NYAP2: variants seen among roughly 807,000 people sequenced by gnomAD.
The protein encoded by NYAP2 is neuronal tyrosine-phosphorylated phosphoinositide-3-kinase adaptor 2.
In NYAP2, 23 loss-of-function variants were observed where a neutral mutation model predicts 50.4. That is an observed-to-expected ratio of 0.46 (90% CI 0.33 to 0.65). The LOEUF is 0.65. Ranked by LOEUF, NYAP2 falls within the 30% of genes least tolerant of loss-of-function variation. The pLI is 0.02. For synonymous variants in NYAP2, 394 were observed against 365.2 expected (o/e 1.08, Z -0.90); for missense variants, 885 against 861.0 (o/e 1.03, Z -0.35).
At chr2:225,556,010 G>T (rs906177522) in intron 4 of NYAP2, among the ~76,000 whole-genome samples, 1 of 152,082 alleles carries the variant, frequency 6.6e-6, no homozygotes, top group Non-Finnish European at 1.5e-5. Context: ...TCATATAATT[G>T]ACTTATGTAT....
At chr2:225,634,887 C>T (rs748670192) in intron 6 of NYAP2, among the ~76,000 whole-genome samples, 1 of 152,076 alleles carries the variant, frequency 6.6e-6, no homozygotes, top group Non-Finnish European at 1.5e-5. Flanking sequence ...AAAATGGGGG[C>T]CATTTACAAT....
chr2:225,597,681 T>C (rs1692629606), intron 5 of NYAP2, among the ~76,000 whole-genome samples: 1 of 150,580 alleles, frequency 6.6e-6, no homozygotes, highest in South Asian at 2.1e-4. Context: ...TACCCAGTAG[T>C]GGGAATGCTG....
At chr2:225,683,659 C>T in the NYAP2 span, among the ~76,000 whole-genome samples, 1,302 of 152,196 alleles carry the variant, frequency 8.6e-3, 46 homozygotes, top group East Asian at 0.14. Flanking sequence ...GGCCATGCCA[C>T]CTCATTTTTA....
At chr2:225,668,780 C>G in the NYAP2 span, among the ~76,000 whole-genome samples, 1 of 152,152 alleles carries the variant, frequency 6.6e-6, no homozygotes, top group East Asian at 1.9e-4. Flanking sequence ...CAAACACATA[C>G]TGAAGATTTC....
intron 3 of NYAP2, among the ~76,000 whole-genome samples, chr2:225,468,021 G>C (rs1431161675): frequency 3.9e-5 from 6 of 152,186 alleles, no homozygotes; most frequent in Non-Finnish European, 8.8e-5. Context: ...TCTTGATAGA[G>C]TTTGGGCATA....
intron 3 of NYAP2, among the ~76,000 whole-genome samples, chr2:225,424,934 A>T (rs999512723): frequency 7.2e-5 from 11 of 152,186 alleles, no homozygotes; most frequent in Non-Finnish European, 1.0e-4. Context: ...TCTATGAAGT[A>T]TATAAAAAAA....
chr2:225,476,291 T>C (rs1430470941), intron 3 of NYAP2, among the ~76,000 whole-genome samples: 1 of 151,858 alleles, frequency 6.6e-6, no homozygotes, highest in Non-Finnish European at 1.5e-5. Context: ...TGGGCGCCTG[T>C]AGTCCCAGCT....
intron 3 of NYAP2, among the ~76,000 whole-genome samples, chr2:225,491,801 C>T (rs77097801): frequency 1.2e-4 from 19 of 152,158 alleles, no homozygotes; most frequent in African/African-American, 4.3e-4. Context: ...CAAAAGTCAT[C>T]AATTGCATGA....
intron 3 of NYAP2, among the ~76,000 whole-genome samples, chr2:225,458,361 C>T (rs1206366583): frequency 6.6e-6 from 1 of 151,988 alleles, no homozygotes; most frequent in African/African-American, 2.4e-5. Context: ...AAGGCATTCT[C>T]TTTAGTTTTA....
At chr2:225,410,304 T>C (rs1037263322) in intron 3 of NYAP2, among the ~76,000 whole-genome samples, 3 of 152,228 alleles carry the variant, frequency 2.0e-5, no homozygotes, top group Admixed American at 6.5e-5. Flanking sequence ...ATTTTCACAA[T>C]TGCATGTATT....
At chr2:225,454,611 C>T (rs1237371475) in intron 3 of NYAP2, among the ~76,000 whole-genome samples, 1 of 152,170 alleles carries the variant, frequency 6.6e-6, no homozygotes, top group African/African-American at 2.4e-5. Flanking sequence ...GAGAGTATTA[C>T]TACTTGAGCT....
chr2:225,513,303 C>A, intron 3 of NYAP2, 68 bp from the exon 4 acceptor site: 1 of 1,424,332 alleles, frequency 7.0e-7, no homozygotes, highest in Non-Finnish European at 9.7e-7. Flanking sequence ...GTAATATTCT[C>A]ACATGTATGA....
At chr2:225,593,554 T>A (rs907371533) in intron 5 of NYAP2, among the ~76,000 whole-genome samples, 12 of 152,354 alleles carry the variant, frequency 7.9e-5, no homozygotes, top group African/African-American at 2.9e-4. Flanking sequence ...TATGCTATTG[T>A]CTTTGACTAC....
chr2:225,424,926 T>G (rs1382260461), intron 3 of NYAP2, among the ~76,000 whole-genome samples: 4 of 152,176 alleles, frequency 2.6e-5, no homozygotes, highest in Non-Finnish European at 5.9e-5. Flanking sequence ...TGTGTAGTTC[T>G]ATGAAGTATA....
At chr2:225,504,454 A>G (rs1443140149) in intron 3 of NYAP2, among the ~76,000 whole-genome samples, 3 of 152,220 alleles carry the variant, frequency 2.0e-5, no homozygotes, top group African/African-American at 4.8e-5. Context: ...ACAAACATTC[A>G]GTCTATAGCA....
chr2:225,659,417 C>G, the NYAP2 span, among the ~76,000 whole-genome samples: 2 of 152,168 alleles, frequency 1.3e-5, no homozygotes, highest in South Asian at 2.1e-4. Flanking sequence ...TCGGAGCATG[C>G]CTGCATCATT....
At chr2:225,565,212 T>C (rs1691941293) in intron 4 of NYAP2, among the ~76,000 whole-genome samples, 1 of 152,204 alleles carries the variant, frequency 6.6e-6, no homozygotes, top group African/African-American at 2.4e-5. Context: ...TACTCCACTT[T>C]GTGATTTTTA....
chr2:225,515,084 A>G (rs1327701748), intron 4 of NYAP2, among the ~76,000 whole-genome samples: 1 of 152,168 alleles, frequency 6.6e-6, no homozygotes, highest in Admixed American at 6.5e-5. Context: ...AGGTGCCTTT[A>G]GCCAAAAACA....
intron 5 of NYAP2, among the ~76,000 whole-genome samples, chr2:225,611,871 T>G (rs1294587765): frequency 7.0e-6 from 1 of 142,476 alleles, no homozygotes; most frequent in East Asian, 2.1e-4. Context: ...GAGAGAGATA[T>G]ATATATGTAT....
Sources: gnomAD v4.1 joint callset for allele counts (sites outside exome capture counted in the v4.1 genomes callset) on GRCh38, gnomAD v4.1.1 for gene constraint, MANE v1.5 for transcripts, NCBI Gene and HGNC (gene_info 2026-07-23, HGNC 2026-07-21) for gene names.